ITSN1: variants seen among roughly 807,000 people sequenced by gnomAD.
ITSN1 encodes intersectin-1.
A neutral mutation model predicts 239.8 loss-of-function variants in ITSN1; 58 were observed. The ratio of observed to expected loss-of-function variants is 0.24; its 90% CI spans 0.20 to 0.30. The LOEUF is 0.30. Ranked by LOEUF, ITSN1 falls within the 10% of genes least tolerant of loss-of-function variation. The probability of loss-of-function intolerance (pLI) is 1.00; values close to 1 mark genes in which losing one functional copy is unlikely to be tolerated. For missense variants in ITSN1, 1,558 were observed against 2,103.3 expected (o/e 0.74, Z 5.07); for synonymous variants, 780 against 770.8 (o/e 1.01, Z -0.20).
Position 33,772,064 on chromosome 21 carries a change from C to T in ITSN1, c.1046C>T (p.Thr349Met). Residue 349 changes from threonine (T) to methionine (M), a missense_variant, in exon 12 of 40, where the codon ACG becomes ATG. This residue lies in a region of ITSN1 where 982 missense variants were observed against 1,209.9 expected (regional missense o/e 0.81). Transcript: ENST00000381318. ...TTGCTGTGTTCCTTGTCTGAAGTAA[C>T]GTTTGAAGATAAGAAGCGGGAGAAC... Reference protein sequence around the residue: ...QQQLEKKLPVTFEDKKRENFE... With the variant: ...QQQLEKKLPVMFEDKKRENFE... The T allele has an allele frequency of 6.2e-7, 1 of 1,614,008 alleles. No homozygotes were observed. The highest frequency in any genetic ancestry group is 8.5e-7 in the Non-Finnish European group (1 of 1,179,976).
chr21:33,674,385 C>G (rs1406817940), intron 1 of ITSN1, among the ~76,000 whole-genome samples: 2 of 152,218 alleles, frequency 1.3e-5, no homozygotes, highest in Non-Finnish European at 2.9e-5. Context: ...GTTCTCAAAT[C>G]TAGCATGCAT....
intron 12 of ITSN1, chr21:33,774,339 CT>C (rs1569151318): frequency 1.9e-5 from 3 of 156,162 alleles, no homozygotes; most frequent in South Asian, 4.0e-4. Context: ...AAAATCAACT[CT>C]TGTTTGTTTT....
chr21:33,886,513 G>A lies in ITSN1; in HGVS notation c.5017+53G>A, dbSNP rs571188060. ...TCCTCCTTCCCTGGCACTCGTTTGC[G>A]TGGGTTAATGTTTTCTTACCTGGGG... On this transcript the variant is annotated intron_variant, in intron 39 of 39. Transcript: ENST00000381318. 4.0e-5 allele frequency: 58 copies of A among 1,437,260 alleles called. No homozygotes were observed. The East Asian group carries it at 4.8e-4, about 12-fold the overall frequency. The allele number at this position is 1,437,260 out of a possible 1,614,324, so 89.0% of individuals were successfully genotyped here.
At chr21:33,807,495 G>A (rs2072549149) in intron 20 of ITSN1, among the ~76,000 whole-genome samples, 2 of 152,234 alleles carry the variant, frequency 1.3e-5, no homozygotes, top group African/African-American at 2.4e-5. Context: ...GTGCCACCAC[G>A]CCCGGCTAAT....
intron 1 of ITSN1, among the ~76,000 whole-genome samples, chr21:33,681,837 A>AT (rs1419649373): frequency 2.7e-5 from 4 of 150,914 alleles, no homozygotes; most frequent in Non-Finnish European, 1.5e-5. Context: ...TGCCCGGCTA[A>AT]TTTTTTTGTA....
intron 8 of ITSN1, among the ~76,000 whole-genome samples, chr21:33,758,061 GTTTTC>G (rs2068046218): frequency 6.6e-6 from 1 of 152,018 alleles, no homozygotes; most frequent in African/African-American, 2.4e-5. Flanking sequence ...TTTTAAAAAA[GTTTTC>G]TTTAGAGGTG....
intron 16 of ITSN1, among the ~76,000 whole-genome samples, chr21:33,785,845 T>G (rs1602227982): frequency 6.6e-6 from 1 of 152,224 alleles, no homozygotes; most frequent in Non-Finnish European, 1.5e-5. Flanking sequence ...ATATTTACCT[T>G]TTAGGTGTCA....
chr21:33,663,706 A>T (rs777381766), intron 1 of ITSN1, among the ~76,000 whole-genome samples: 30 of 152,158 alleles, frequency 2.0e-4, no homozygotes, highest in Non-Finnish European at 3.4e-4. Context: ...AGGTTCAAGC[A>T]ATTCTCCTGC....
At chr21:33,672,772 C>T (rs190746891) in intron 1 of ITSN1, among the ~76,000 whole-genome samples, 8 of 150,406 alleles carry the variant, frequency 5.3e-5, no homozygotes, top group Non-Finnish European at 7.4e-5. Flanking sequence ...AGTGCGGTGG[C>T]GCAAACTCGG....
chr21:33,844,285 C>T (rs1433041305), intron 29 of ITSN1, among the ~76,000 whole-genome samples: 1 of 152,218 alleles, frequency 6.6e-6, no homozygotes, highest in East Asian at 1.9e-4. Context: ...GACAAGCTGC[C>T]TGTGTTTCAC....
chr21:33,868,118 G>GC (rs1981991088), intron 33 of ITSN1, among the ~76,000 whole-genome samples: 1 of 152,160 alleles, frequency 6.6e-6, no homozygotes, highest in South Asian at 2.1e-4. Context: ...CTCTTATCTG[G>GC]CCCCACCCAC....
chr21:33,724,248 C>T (rs2065683202), intron 4 of ITSN1, among the ~76,000 whole-genome samples: 1 of 152,106 alleles, frequency 6.6e-6, no homozygotes, highest in Non-Finnish European at 1.5e-5. Flanking sequence ...TGTGCTTGCT[C>T]CTCTGAAGCC....
At chr21:33,643,622 T>C (rs957609911) in intron 1 of ITSN1, 1 of 152,124 alleles carries the variant, frequency 6.6e-6, no homozygotes, top group African/African-American at 2.4e-5. Context: ...AGTTGGAGGC[T>C]ATAGAGATTT....
chr21:33,865,545 G>A lies in ITSN1; in HGVS notation c.4074+211G>A, dbSNP rs901731644. Among the ~76,000 whole-genome samples, 1 of 152,236 alleles carries A rather than the reference G, an allele frequency of 6.6e-6. No homozygotes were observed. On this transcript the variant is annotated intron_variant, in intron 32 of 39. Transcript: ENST00000381318. The surrounding 1 kb of genome is among the most constrained non-coding windows in gnomAD (Gnocchi z 4.4). ...GCTTGGAGAGGAGGGGTGAACCCTG[G>A]GCTTGGAAGCTTTGAAAGTGTCTTT...
chr21:33,767,889 TCTCTAA>T, intron 11 of ITSN1, 61 bp downstream of exon 11: 4 of 936,270 alleles, frequency 4.3e-6, no homozygotes, highest in Non-Finnish European at 6.7e-6. Flanking sequence ...AGATTTCCTA[TCTCTAA>T]GACAAAGATA....
chr21:33,707,705 G>T (rs375964048), intron 1 of ITSN1, among the ~76,000 whole-genome samples: 1 of 152,096 alleles, frequency 6.6e-6, no homozygotes, highest in African/African-American at 2.4e-5. Context: ...TGAGATTCAC[G>T]CATGTTGTTG....
chr21:33,841,053 T>G (rs2074805222), intron 29 of ITSN1, among the ~76,000 whole-genome samples: 2 of 152,280 alleles, frequency 1.3e-5, no homozygotes, highest in Middle Eastern at 3.4e-3. Context: ...GGCCTCAGAC[T>G]GCCTCTGCAT....
At chr21:33,848,466 C>T (rs1284565651) in intron 29 of ITSN1, among the ~76,000 whole-genome samples, 1 of 152,142 alleles carries the variant, frequency 6.6e-6, no homozygotes, top group Non-Finnish European at 1.5e-5. Context: ...TTGTTATGGT[C>T]GCCTGAGCAG....
intron 16 of ITSN1, among the ~76,000 whole-genome samples, chr21:33,783,937 TTCTGTTGCC>T (rs2070409562): frequency 6.6e-6 from 1 of 152,190 alleles, no homozygotes; most frequent in Admixed American, 6.5e-5. Flanking sequence ...GTGATTGAAT[TTCTGTTGCC>T]ATTACTAAAG....
Sources: allele counts gnomAD v4.1 joint callset (sites outside exome capture counted in the v4.1 genomes callset), GRCh38; gene constraint gnomAD v4.1.1; regional missense constraint gnomAD v4.1.1; non-coding constraint Gnocchi (gnomAD v3.1); transcripts MANE v1.5; gene names NCBI Gene and HGNC (gene_info 2026-07-23, HGNC 2026-07-21).